The following TULP4 variants were observed in gnomAD, a reference collection of about 807,000 sequenced individuals.
The protein encoded by TULP4 is tubby-related protein 4.
Under a neutral mutation model 129.0 loss-of-function variants are expected in TULP4, and 16 were observed. That is an observed-to-expected ratio of 0.12 (90% CI 0.08 to 0.19). The LOEUF (loss-of-function observed/expected upper bound fraction) is 0.19, where lower values mean the gene tolerates loss of function less well. Ranked by LOEUF, TULP4 falls within the 10% of genes least tolerant of loss-of-function variation. The pLI is 1.00. For missense variants in TULP4, 1,842 were observed against 2,059.1 expected (o/e 0.89, Z 2.04); for synonymous variants, 998 against 854.0 (o/e 1.17, Z -2.94).
At chr6:158,498,625 T>C (rs760105845) in intron 11 of TULP4, 44 bp from the exon 12 acceptor site, 4 of 1,612,992 alleles carry the variant, frequency 2.5e-6, no homozygotes, top group Admixed American at 1.7e-5. Context: ...TTGGCTCTGC[T>C]CTGGTGTGTC....
rs754545854 is a variant in TULP4, at chr6:158,481,146, A to G, written c.1343A>G (p.Glu448Gly). 6.2e-7 allele frequency: 1 copy of G among 1,613,966 alleles called. No individual in the cohort carries two copies. Among genetic ancestry groups the G allele is most frequent in the Non-Finnish European group, 8.5e-7 (1 of 1,179,848 alleles). The change falls in exon 8 of 14, where the codon GAG (glutamate) becomes GGG (glycine). Residue 448 changes from glutamate to glycine, a missense_variant. By Grantham distance (98) the Glu-to-Gly change is moderately conservative. Coordinates refer to ENST00000367097, the MANE Select transcript of TULP4 (RefSeq NM_020245.5). ...ERLHCTMKRT[E>G]DDPEVGGPCY... ...CTGCACTGCACCATGAAGCGCACAG[A>G]GGACGACCCGGAGGTGGGCGGCCCG... is the stretch of plus-strand genomic sequence containing the variant.
intron 6 of TULP4, among the ~76,000 whole-genome samples, chr6:158,476,380 A>G (rs17503912): frequency 0.034 from 5,176 of 151,876 alleles, 287 homozygotes; most frequent in Admixed American, 0.16. Flanking sequence ...TTCCTTTGAG[A>G]CCCTGCAGAC....
intron 1 of TULP4, among the ~76,000 whole-genome samples, chr6:158,371,315 A>G (rs1777063755): frequency 6.6e-6 from 1 of 152,170 alleles, no homozygotes; most frequent in African/African-American, 2.4e-5. Context: ...CCCTAGTGAC[A>G]CTGGCTGGGC....
intron 1 of TULP4, among the ~76,000 whole-genome samples, chr6:158,257,663 G>A (rs985712875): frequency 6.6e-6 from 1 of 152,206 alleles, no homozygotes; most frequent in African/African-American, 2.4e-5. Context: ...TTAGGTGAAT[G>A]GAGGTGCTGT....
chr6:158,504,735 T>A (rs1233645515), intron 13 of TULP4, among the ~76,000 whole-genome samples: 1 of 151,946 alleles, frequency 6.6e-6, no homozygotes, highest in Non-Finnish European at 1.5e-5. Context: ...CAAGCAATCC[T>A]CCTGCCTCAG....
chr6:158,366,093 CG>C (rs1377773041), intron 1 of TULP4, among the ~76,000 whole-genome samples: 6 of 149,478 alleles, frequency 4.0e-5, no homozygotes, highest in African/African-American at 1.2e-4. Context: ...TTAGTAGAAA[CG>C]GGGTTTCACC....
intron 1 of TULP4, among the ~76,000 whole-genome samples, chr6:158,351,623 TG>T (rs1280206010): frequency 1.4e-4 from 21 of 151,954 alleles, no homozygotes; most frequent in Non-Finnish European, 2.9e-4. Flanking sequence ...AGACACCTTA[TG>T]TAACTCAGGG....
rs1157765924 is a variant in TULP4, at chr6:158,238,515, G to C, written n.68+6212G>C. The C allele has an allele frequency of 2.0e-5, 6 of 295,756 alleles. No homozygotes were observed. The Middle Eastern group carries it at 3.1e-3, about 155-fold the overall frequency. 18.3% of individuals were successfully genotyped at this position (295,756 alleles called of 1,614,324 possible). The stretch of plus-strand genomic sequence containing the variant: ...GGTCATGGGACAATAGTGGAGGGAA[G>C]GTCAGCAGATAAACAAGTGAACAAA... On this transcript the variant is annotated intron_variant and non_coding_transcript_variant, in intron 1 of 1. Transcript: ENST00000620026.
intron 4 of TULP4, 69 bp downstream of exon 4, chr6:158,449,245 C>T (rs1208596558): frequency 1.1e-5 from 17 of 1,487,834 alleles, no homozygotes; most frequent in Non-Finnish European, 1.5e-5. Flanking sequence ...GCAGAGTAGA[C>T]TGATGTGGAG....
chr6:158,335,430 G>GT (rs1425773509), intron 1 of TULP4, among the ~76,000 whole-genome samples: 1 of 135,954 alleles, frequency 7.4e-6, no homozygotes, highest in Non-Finnish European at 1.6e-5. Flanking sequence ...TTTGCTTTTA[G>GT]TTTTTTGATC....
At position 158,503,195 on chromosome 6, in the gene TULP4, A is replaced by G. The variant is rs202138353; in HGVS notation, c.3532A>G (p.Thr1178Ala). The G allele has an allele frequency of 1.5e-5, 25 of 1,613,542 alleles. No homozygotes were observed. In the South Asian group the frequency reaches 2.7e-4, roughly 18 times the overall value. Residue 1178 changes from threonine (T) to alanine (A), a missense_variant, in exon 13 of 14, where the codon ACT becomes GCT. By Grantham distance (58) the Thr-to-Ala change is moderately conservative. Around this residue, in one of 5 missense-constraint regions of TULP4, gnomAD observed 1,089 missense variants for 987.1 expected, o/e 1.10. Coordinates refer to ENST00000367097, the MANE Select transcript of TULP4 (RefSeq NM_020245.5). This position sits in a 1 kb window ranked among gnomAD's most constrained non-coding sequence, Gnocchi z 4.3. ...CTCCCCCAAGTCTCCTGCCAGCCCC[A>G]CTGCCACTTTCCAAACAGGCTATGG... ...FISPKSPASPTATFQTGYGMG... is the reference protein window; with the variant it reads ...FISPKSPASPAATFQTGYGMG...
chr6:158,343,879 T>C (rs1022886307), intron 1 of TULP4, among the ~76,000 whole-genome samples: 2 of 152,246 alleles, frequency 1.3e-5, no homozygotes, highest in Non-Finnish European at 2.9e-5. Context: ...ATTAAGTACA[T>C]GTGGATGTCA....
In TULP4 at chr6:158,502,603, T is replaced by C. The variant is rs745570573; in HGVS notation, c.2940T>C (p.Asn980=). Residue 980 remains asparagine (N), a synonymous_variant, in exon 13 of 14, where the codon AAT becomes AAC. Transcript: ENST00000367097. ...GGGGGGCTGCCCAGAGGTCCGACAA[T>C]AGCCTCATCCACGCTACCCTGCGGA... The part of the protein sequence containing the change: ...QGRGAAQRSD[N]SLIHATLRRN... 1.2e-6 allele frequency: 2 copies of C among 1,600,720 alleles called. No homozygotes were observed. Among genetic ancestry groups the C allele is most frequent in the Non-Finnish European group, 1.7e-6 (2 of 1,179,580 alleles).
At chr6:158,240,347 G>T (rs1777856808) in intron 1 of TULP4, among the ~76,000 whole-genome samples, 1 of 76,214 alleles carries the variant, frequency 1.3e-5, no homozygotes, top group South Asian at 4.3e-4. Context: ...GCGGGGGGCT[G>T]ACTCCCCCAC....
chr6:158,405,126 GACTTAA>G (rs1390464385), intron 1 of TULP4, among the ~76,000 whole-genome samples: 2 of 152,166 alleles, frequency 1.3e-5, no homozygotes, highest in African/African-American at 4.8e-5. Context: ...ATGTAAAAAT[GACTTAA>G]ACTTATTGTT....
chr6:158,326,231 G>A (rs986104968), intron 1 of TULP4, among the ~76,000 whole-genome samples: 1 of 152,110 alleles, frequency 6.6e-6, no homozygotes, highest in Admixed American at 6.6e-5. Flanking sequence ...CCCCCCAGTG[G>A]TTTAGTTTAT....
chr6:158,317,024 C>T (rs1779507479), intron 1 of TULP4, among the ~76,000 whole-genome samples: 1 of 152,206 alleles, frequency 6.6e-6, no homozygotes, highest in African/African-American at 2.4e-5. Context: ...CTCACCTCCA[C>T]TCCTGGGGAG....
At chr6:158,423,435 A>G (rs971021805) in intron 2 of TULP4, among the ~76,000 whole-genome samples, 11 of 152,238 alleles carry the variant, frequency 7.2e-5, no homozygotes, top group East Asian at 3.9e-4. Context: ...TAGAAGAGAA[A>G]ATGTTAAGTA....
At chr6:158,261,245 A>G (rs56043101) in intron 1 of TULP4, among the ~76,000 whole-genome samples, 26,284 of 152,248 alleles carry the variant, frequency 0.17, 2,707 homozygotes, top group Middle Eastern at 0.24. Context: ...AAATGCAGCT[A>G]AGGCAACTGA....
Sources: allele counts gnomAD v4.1 joint callset (sites outside exome capture counted in the v4.1 genomes callset), GRCh38; gene constraint gnomAD v4.1.1; regional missense constraint gnomAD v4.1.1; non-coding constraint Gnocchi (gnomAD v3.1); transcripts MANE v1.5; gene names NCBI Gene and HGNC (gene_info 2026-07-23, HGNC 2026-07-21).